The following CTNNA2 variants were observed in gnomAD, a reference collection of about 807,000 sequenced individuals.
CTNNA2 encodes the protein catenin alpha-2.
In CTNNA2, 42 loss-of-function variants were observed where a neutral mutation model predicts 101.0. The observed-to-expected ratio is 0.42, with a 90% CI of 0.32 to 0.54. The LOEUF is 0.54. Among genes scored for constraint, CTNNA2 ranks in the 20% least tolerant of loss-of-function variants. CTNNA2 has a pLI of 0.14. For synonymous variants in CTNNA2, 450 were observed against 456.4 expected, an observed-to-expected ratio of 0.99 and a Z score of 0.18; for missense variants, 871 against 1,223.1, an observed-to-expected ratio of 0.71 and a Z score of 4.29.
At chr2:79,837,277 G>A (rs561273725) in intron 3 of CTNNA2, among the ~76,000 whole-genome samples, 19 of 152,290 alleles carry the variant, frequency 1.2e-4, no homozygotes, top group African/African-American at 2.9e-4. Context: ...CGTCTAGCAC[G>A]AGAGAAAGAT....
intron 18 of CTNNA2, among the ~76,000 whole-genome samples, chr2:80,642,277 C>T (rs1194601198): frequency 4.6e-5 from 7 of 152,248 alleles, no homozygotes; most frequent in East Asian, 3.9e-4. Flanking sequence ...TGTTTCCCTT[C>T]TCCTATCCCT....
At chr2:80,480,720 T>C (rs888178517) in intron 9 of CTNNA2, among the ~76,000 whole-genome samples, 3 of 152,272 alleles carry the variant, frequency 2.0e-5, no homozygotes, top group African/African-American at 7.2e-5. Flanking sequence ...AGCTTCCCTT[T>C]GCAAGCTTTT....
At chr2:79,576,260 G>A (rs1187101114) in intron 1 of CTNNA2, among the ~76,000 whole-genome samples, 1 of 152,022 alleles carries the variant, frequency 6.6e-6, no homozygotes, top group Non-Finnish European at 1.5e-5. Flanking sequence ...GAAATCAATC[G>A]AATTTACCTG....
intron 7 of CTNNA2, among the ~76,000 whole-genome samples, chr2:80,077,641 ATAAT>A (rs1308509012): frequency 1.3e-5 from 2 of 151,934 alleles, no homozygotes; most frequent in Admixed American, 6.6e-5. Context: ...ACGGATACAC[ATAAT>A]TAAACAGATG....
intron 7 of CTNNA2, among the ~76,000 whole-genome samples, chr2:80,081,359 A>G (rs959275050): frequency 1.5e-4 from 23 of 150,808 alleles, no homozygotes; most frequent in African/African-American, 5.3e-4. Context: ...TAAATTTTAA[A>G]TGGGGGATTT....
At chr2:80,482,670 T>C (rs1189036395) in intron 9 of CTNNA2, among the ~76,000 whole-genome samples, 1 of 152,206 alleles carries the variant, frequency 6.6e-6, no homozygotes, top group Non-Finnish European at 1.5e-5. Context: ...CTAGAAGGTG[T>C]ATTATTTTTT....
At chr2:79,429,973 A>G (rs1051316070) in intron 4 of CTNNA2, among the ~76,000 whole-genome samples, 2 of 152,148 alleles carry the variant, frequency 1.3e-5, no homozygotes, top group African/African-American at 4.8e-5. Context: ...ATTACTTACT[A>G]AAAGTGTTAT....
intron 9 of CTNNA2, among the ~76,000 whole-genome samples, chr2:80,536,697 T>C (rs139984122): frequency 6.6e-6 from 1 of 151,954 alleles, no homozygotes; most frequent in African/African-American, 2.4e-5. Flanking sequence ...TTAGCAGAGG[T>C]TTTTAATGTC....
At chr2:80,199,032 T>G (rs1707023329) in intron 7 of CTNNA2, among the ~76,000 whole-genome samples, 1 of 151,468 alleles carries the variant, frequency 6.6e-6, no homozygotes, top group South Asian at 2.1e-4. Context: ...AATAAAAAAA[T>G]TAGCTGGGTG....
chr2:80,549,942 G>T (rs901826497), intron 11 of CTNNA2, among the ~76,000 whole-genome samples: 1 of 151,960 alleles, frequency 6.6e-6, no homozygotes, highest in African/African-American at 2.4e-5. Flanking sequence ...GAAGGCACAG[G>T]GTATGGGGGT....
At chr2:80,230,308 C>T (rs1709127994) in intron 7 of CTNNA2, among the ~76,000 whole-genome samples, 1 of 133,556 alleles carries the variant, frequency 7.5e-6, no homozygotes, top group African/African-American at 2.9e-5. Context: ...GTTGTTCAGG[C>T]TGGTCTTGAA....
chr2:79,766,468 TG>T (rs1351621394), intron 3 of CTNNA2, among the ~76,000 whole-genome samples: 1 of 152,224 alleles, frequency 6.6e-6, no homozygotes, highest in African/African-American at 2.4e-5. Context: ...TCTTTATCCT[TG>T]GTCTTTGACA....
At position 80,434,072 on chromosome 2, in the gene CTNNA2, A is replaced by G. The variant is rs115730684; in HGVS notation, c.1290+14471A>G. Reference sequence around the variant, plus strand: ...CTGAAGAGTTTCTCACGGTCAAAAAATACTAATGACATGTGTGCAAGTGAT... The same window carrying G: ...CTGAAGAGTTTCTCACGGTCAAAAAGTACTAATGACATGTGTGCAAGTGAT... On this transcript the variant is annotated intron_variant, in intron 9 of 18. Transcript: ENST00000402739. 2.1e-3 allele frequency among the ~76,000 whole-genome samples: 322 copies of G among 152,342 alleles called. 1 individual carries two copies. Among genetic ancestry groups the G allele is most frequent in the Admixed American group, 2.9e-3 (44 of 15,302 alleles).
chr2:79,691,317 C>T (rs1684281343), intron 2 of CTNNA2, among the ~76,000 whole-genome samples: 1 of 151,772 alleles, frequency 6.6e-6, no homozygotes, highest in African/African-American at 2.4e-5. Flanking sequence ...TAGTCAGTGA[C>T]CTCCTACATT....
At chr2:80,259,069 T>G (rs1672394842) in intron 7 of CTNNA2, among the ~76,000 whole-genome samples, 1 of 152,050 alleles carries the variant, frequency 6.6e-6, no homozygotes, top group African/African-American at 2.4e-5. Context: ...GTCCCAGCCT[T>G]TATGTTGTTC....
At chr2:80,021,603 T>C (rs1474752797) in intron 7 of CTNNA2, among the ~76,000 whole-genome samples, 1 of 152,226 alleles carries the variant, frequency 6.6e-6, no homozygotes, top group Admixed American at 6.5e-5. Context: ...TTTATTTTTT[T>C]AACTGACAAA....
intron 2 of CTNNA2, among the ~76,000 whole-genome samples, chr2:79,226,270 T>C (rs1674407591): frequency 6.6e-6 from 1 of 152,222 alleles, no homozygotes; most frequent in South Asian, 2.1e-4. Flanking sequence ...CAACTGAATT[T>C]ATAGATCTGC....
chr2:80,416,060 G>T (rs1032224458), intron 8 of CTNNA2, among the ~76,000 whole-genome samples: 21 of 152,012 alleles, frequency 1.4e-4, no homozygotes, highest in Non-Finnish European at 5.9e-5. Flanking sequence ...GGAGGTGGGG[G>T]TGGTGAAACG....
intron 4 of CTNNA2, among the ~76,000 whole-genome samples, chr2:79,458,940 G>C (rs1290098829): frequency 2.0e-5 from 3 of 152,062 alleles, no homozygotes; most frequent in Non-Finnish European, 2.9e-5. Flanking sequence ...TTGGATTACA[G>C]CTAATTCAAA....
Sources: allele counts gnomAD v4.1 joint callset (sites outside exome capture counted in the v4.1 genomes callset), GRCh38; gene constraint gnomAD v4.1.1; transcripts MANE v1.5; gene names NCBI Gene and HGNC (gene_info 2026-07-23, HGNC 2026-07-21).